The following ZNF577 variants were observed in gnomAD, a reference collection of about 807,000 sequenced individuals.
ZNF577 encodes the protein zinc finger protein 577.
A neutral mutation model predicts 13.9 loss-of-function variants in ZNF577; 14 were observed. The observed-to-expected ratio is 1.00, with a 90% CI of 0.66 to 1.57. The LOEUF (loss-of-function observed/expected upper bound fraction) is 1.57, where lower values mean the gene tolerates loss of function less well. Among genes scored for constraint, ZNF577 ranks in the 40% most tolerant of loss-of-function variants. ZNF577 has a pLI of 0.00. For missense variants in ZNF577, 555 were observed against 579.2 expected (o/e 0.96, Z 0.43); for synonymous variants, 203 against 202.9 (o/e 1.00, Z 0.00).
At chr19:51,857,365 GGAAA>G (rs369768303) in intron 5 of ZNF577, among the ~76,000 whole-genome samples, 11,187 of 92,942 alleles carry the variant, frequency 0.12, 635 homozygotes, top group Non-Finnish European at 0.14. Flanking sequence ...AAAGAAGGAA[GGAAA>G]GAAAGAAAGA....
At chr19:51,808,564 C>T (rs1315185049) in intron 10 of ZNF577, among the ~76,000 whole-genome samples, 1 of 152,160 alleles carries the variant, frequency 6.6e-6, no homozygotes, top group Non-Finnish European at 1.5e-5. Context: ...TGGGGTAAAA[C>T]TCTCCATTGA....
At chr19:51,881,724 A>G (rs1054688849) in intron 1 of ZNF577, among the ~76,000 whole-genome samples, 2 of 152,124 alleles carry the variant, frequency 1.3e-5, no homozygotes, top group African/African-American at 4.8e-5. Context: ...CTACACAAAC[A>G]AGGGCCTGTG....
At position 51,824,767 on chromosome 19, in the gene ZNF577, C is replaced by T; in HGVS notation, c.*600-13093G>A. On this transcript the variant is annotated intron_variant and NMD_transcript_variant, in intron 9 of 10. Coordinates refer to the ZNF577 transcript ENST00000638827. The surrounding 1 kb of genome is among the most constrained non-coding windows in gnomAD (Gnocchi z 4.7). ...GCCCAGACCAGCAACACAGACACCA[C>T]TTCTGCTTCACCTCCTGAGGAGACG... The T allele has an allele frequency of 6.2e-7, 1 of 1,613,872 alleles. No individual in the cohort carries two copies. Among genetic ancestry groups the T allele is most frequent in the Non-Finnish European group, 8.5e-7 (1 of 1,179,912 alleles).
At chr19:51,854,501 T>TC (rs1296629136) in intron 5 of ZNF577, among the ~76,000 whole-genome samples, 104 of 147,286 alleles carry the variant, frequency 7.1e-4, no homozygotes, top group African/African-American at 2.5e-3. Flanking sequence ...GCTAAATTTT[T>TC]TTTTTTTTTT....
In ZNF577 at chr19:51,841,041, C is replaced by T. The variant is rs182985249; in HGVS notation, c.*375-924G>A. On this transcript the variant is annotated intron_variant and NMD_transcript_variant, in intron 8 of 10. Coordinates refer to the ZNF577 transcript ENST00000638827. ...ATTAGGAAATTGTTAGTCCAAACTG[C>T]ACCATTTTGGAAGCCCCCCACCATT... 8 of 152,292 alleles carry T rather than the reference C, an allele frequency of 5.3e-5. No individual in the cohort carries two copies. In the East Asian group the frequency reaches 1.5e-3, roughly 29 times the overall value. The allele number at this position is 152,292 out of a possible 1,614,324, so 9.4% of individuals were successfully genotyped here. A position where few individuals can be genotyped will look rare whatever the true frequency, so the allele number is the denominator to read the frequency against.
intron 8 of ZNF577, chr19:51,840,258 A>C (rs1211210087): frequency 6.6e-6 from 1 of 152,264 alleles, no homozygotes; most frequent in Admixed American, 6.5e-5. Flanking sequence ...AACAGCCCTA[A>C]GCCAATCACA....
chr19:51,811,080 A>C (rs1045959960), intron 10 of ZNF577, among the ~76,000 whole-genome samples: 1 of 149,288 alleles, frequency 6.7e-6, no homozygotes, highest in Non-Finnish European at 1.5e-5. Context: ...AGATTCTTTC[A>C]GATTTTTAGA....
intron 9 of ZNF577, among the ~76,000 whole-genome samples, chr19:51,831,993 A>T (rs1379479201): frequency 1.3e-5 from 2 of 152,198 alleles, no homozygotes; most frequent in African/African-American, 4.8e-5. Context: ...AAGATAACGT[A>T]GCCTCTCAGG....
chr19:51,870,030 T>C lies in ZNF577; in HGVS notation c.*2502A>G, dbSNP rs2084634446. ...CTGATTGCTGGTAATTGCCTCCTTC[T>C]GGTCCCTCCCTGGGAGGATTAACAT... is the stretch of plus-strand genomic sequence containing the variant. On this transcript the variant is annotated 3_prime_UTR_variant, in exon 6 of 6. Transcript: ENST00000638348. 6.6e-6 allele frequency among the ~76,000 whole-genome samples: 1 copy of C among 152,232 alleles called. No homozygotes were observed. The highest frequency in any genetic ancestry group is 2.4e-5 in the African/African-American group (1 of 41,472).
intron 9 of ZNF577, among the ~76,000 whole-genome samples, chr19:51,821,339 T>C (rs1283193616): frequency 6.6e-6 from 1 of 152,136 alleles, no homozygotes; most frequent in Non-Finnish European, 1.5e-5. Flanking sequence ...GGGGGGAGTT[T>C]TGCCTCCCAC....
At chr19:51,857,412 A>AG (rs2084443636) in intron 5 of ZNF577, among the ~76,000 whole-genome samples, 1 of 110,618 alleles carries the variant, frequency 9.0e-6, no homozygotes. Context: ...GAAAGAAAGA[A>AG]AGAAAGAAAG....
chr19:51,807,560 C>A (rs2084068608), intron 10 of ZNF577, among the ~76,000 whole-genome samples: 1 of 152,140 alleles, frequency 6.6e-6, no homozygotes, highest in Non-Finnish European at 1.5e-5. Context: ...TGACCTGAAA[C>A]CCCAGAGATC....
At position 51,872,712 on chromosome 19, in the gene ZNF577, T is replaced by C; in HGVS notation, c.1278A>G (p.Leu426=). Residue 426 remains leucine, a synonymous_variant, in exon 6 of 6, where the codon TTA becomes TTG. Transcript: ENST00000638348. ...EMPSSGTPPL[L]NKSERLVGRN... is the part of the protein sequence containing the mutation. Reference sequence around the variant, plus strand: ...TGCCCACTAGGCGCTCACTCTTGTTTAACAATGGCGGGGTTCCTGAGGAAG... The same window carrying C: ...TGCCCACTAGGCGCTCACTCTTGTTCAACAATGGCGGGGTTCCTGAGGAAG... The C allele has an allele frequency of 6.2e-7, 1 of 1,614,224 alleles. No individual in the cohort carries two copies. The highest frequency in any genetic ancestry group is 8.5e-7 in the Non-Finnish European group (1 of 1,180,034).
rs2084628492 is a variant in ZNF577, at chr19:51,869,754, A to G, written c.*2778T>C. On this transcript the variant is annotated 3_prime_UTR_variant, in exon 6 of 6. Transcript: ENST00000638348. Reference sequence around the variant, plus strand: ...TGTGCCAGAAACCCCTACAGGGGCTAAACAGTCAAGACACACCAGCCGCTA... The same window carrying G: ...TGTGCCAGAAACCCCTACAGGGGCTGAACAGTCAAGACACACCAGCCGCTA... 6.6e-6 allele frequency among the ~76,000 whole-genome samples: 1 copy of G among 152,216 alleles called. No individual in the cohort carries two copies. Among genetic ancestry groups the G allele is most frequent in the Non-Finnish European group, 1.5e-5 (1 of 68,028 alleles).
chr19:51,828,795 C>T (rs75623866), intron 9 of ZNF577, among the ~76,000 whole-genome samples: 1,615 of 152,218 alleles, frequency 0.011, 35 homozygotes, highest in African/African-American at 0.037. Context: ...TTGCTTTGTG[C>T]AACTTAGTAC....
At chr19:51,828,849 G>A (rs970347209) in intron 9 of ZNF577, among the ~76,000 whole-genome samples, 5 of 152,148 alleles carry the variant, frequency 3.3e-5, no homozygotes, top group African/African-American at 1.2e-4. Context: ...AGAAACTCTG[G>A]TGAATATAGA....
downstream of ZNF577, chr19:51,862,266 G>A (rs2084511367): frequency 6.5e-6 from 1 of 152,798 alleles, no homozygotes; most frequent in East Asian, 1.9e-4. Context: ...GTATAACAAA[G>A]TTTTTTTTGG....
At position 51,872,813 on chromosome 19, in the gene ZNF577, T is replaced by C. The variant is rs1383531655; in HGVS notation, c.1177A>G (p.Arg393Gly). The C allele has an allele frequency of 1.2e-6, 2 of 1,614,246 alleles. No individual in the cohort carries two copies. The highest frequency in any genetic ancestry group is 1.7e-6 in the Non-Finnish European group (2 of 1,180,040). ...CTCATGTATAAGGAGGTATGACTCC[T>C]TGAGGAAGGTTTCTCCACCGTCAGT... ...NSLTVEKPSSRSHTSLYMSEL... is the reference protein window; with the variant it reads ...NSLTVEKPSSGSHTSLYMSEL... Residue 393 changes from arginine (R) to glycine (G), a missense_variant, in exon 6 of 6, where the codon AGG becomes GGG. Transcript: ENST00000638348.
chr19:51,838,129 T>C (rs2084297902), intron 9 of ZNF577, among the ~76,000 whole-genome samples: 1 of 152,230 alleles, frequency 6.6e-6, no homozygotes, highest in Non-Finnish European at 1.5e-5. Context: ...CTGCTAAATT[T>C]GTAGTCATTT....
Sources: gnomAD v4.1 joint callset for allele counts (sites outside exome capture counted in the v4.1 genomes callset) on GRCh38, gnomAD v4.1.1 for gene constraint, Gnocchi (gnomAD v3.1) non-coding constraint, MANE v1.5 for transcripts, NCBI Gene and HGNC (gene_info 2026-07-23, HGNC 2026-07-21) for gene names.